PPP4R2: variants seen among roughly 807,000 people sequenced by gnomAD.
The protein encoded by PPP4R2 is serine/threonine-protein phosphatase 4 regulatory subunit 2.
In PPP4R2, 13 loss-of-function variants were observed where a neutral mutation model predicts 47.2. The ratio of observed to expected loss-of-function variants is 0.28; its 90% CI spans 0.18 to 0.44. The LOEUF (loss-of-function observed/expected upper bound fraction) is 0.44. Ranked by LOEUF, PPP4R2 falls within the 20% of genes least tolerant of loss-of-function variation. The pLI is 1.00. For missense variants in PPP4R2, 421 were observed against 491.2 expected (o/e 0.86, Z 1.35); for synonymous variants, 151 against 163.3 (o/e 0.92, Z 0.57).
In PPP4R2 at chr3:73,067,739, G is replaced by A. The variant is rs1441902192; in HGVS notation, c.*2017G>A. On this transcript the variant is annotated 3_prime_UTR_variant, in exon 9 of 9. Coordinates refer to ENST00000356692, the MANE Select transcript of PPP4R2 (RefSeq NM_174907.4). ...TAAACAAATTGATTTACTTTTGTTG[G>A]TTGTAAGTTGAAGATTTAGCATTAT... 1 of 152,064 alleles carries A rather than the reference G, an allele frequency of 6.6e-6. No homozygotes were observed. Among genetic ancestry groups the A allele is most frequent in the Non-Finnish European group, 1.5e-5 (1 of 67,994 alleles). The allele number at this position is 152,064 out of a possible 1,614,324, so 9.4% of individuals were successfully genotyped here.
chr3:73,058,178 G>A (rs1161409259), intron 3 of PPP4R2, among the ~76,000 whole-genome samples: 6 of 151,994 alleles, frequency 3.9e-5, no homozygotes, highest in Admixed American at 3.9e-4. Flanking sequence ...AAAAATTGAG[G>A]TATAGTGAAA....
chr3:73,046,052 A>C (rs1416113681), intron 2 of PPP4R2, among the ~76,000 whole-genome samples: 1 of 152,192 alleles, frequency 6.6e-6, no homozygotes, highest in Non-Finnish European at 1.5e-5. Context: ...TATCTTTTAC[A>C]CTTTAAGTGG....
At chr3:73,050,613 C>T (rs902405133) in intron 3 of PPP4R2, among the ~76,000 whole-genome samples, 1 of 152,084 alleles carries the variant, frequency 6.6e-6, no homozygotes. Flanking sequence ...TTAAAAAGAT[C>T]CCCACTGTTA....
At chr3:73,054,698 C>T (rs930410062) in intron 3 of PPP4R2, among the ~76,000 whole-genome samples, 6 of 151,864 alleles carry the variant, frequency 4.0e-5, no homozygotes, top group Non-Finnish European at 7.4e-5. Context: ...TGTTACATTC[C>T]TTTGTCTTTT....
chr3:72,997,512 C>T (rs775015524), intron 1 of PPP4R2: 1 of 174,668 alleles, frequency 5.7e-6, no homozygotes, highest in African/African-American at 2.4e-5. Flanking sequence ...ATGCCTTTTT[C>T]AGGGCTTTTG....
intron 2 of PPP4R2, among the ~76,000 whole-genome samples, chr3:73,021,443 C>T (rs1176082626): frequency 2.6e-5 from 4 of 151,920 alleles, no homozygotes; most frequent in African/African-American, 9.7e-5. Context: ...TGCCCTTTTG[C>T]CCAGGCTGGT....
chr3:72,997,173 TG>T, intron 1 of PPP4R2, 102 bp downstream of exon 1: 2 of 956,410 alleles, frequency 2.1e-6, no homozygotes, highest in African/African-American at 3.4e-5. Context: ...GGGCGCGGCG[TG>T]GGGAGAGTGC....
At chr3:73,029,616 A>C (rs555832681) in intron 2 of PPP4R2, among the ~76,000 whole-genome samples, 12 of 152,180 alleles carry the variant, frequency 7.9e-5, no homozygotes, top group African/African-American at 2.9e-4. Context: ...TCAGAAGTTC[A>C]GTTTTGGACA....
At chr3:73,027,144 T>A (rs1216070732) in intron 2 of PPP4R2, among the ~76,000 whole-genome samples, 1 of 152,240 alleles carries the variant, frequency 6.6e-6, no homozygotes, top group East Asian at 1.9e-4. Flanking sequence ...TTTTTTTGTT[T>A]TTGAGACAGA....
intron 2 of PPP4R2, among the ~76,000 whole-genome samples, chr3:73,026,691 G>T (rs1259516818): frequency 8.7e-6 from 1 of 115,020 alleles, no homozygotes; most frequent in East Asian, 2.3e-4. Flanking sequence ...AACATTATGA[G>T]ATTTTTGCGA....
chr3:73,001,234 GT>G (rs1025129080), intron 2 of PPP4R2, among the ~76,000 whole-genome samples: 1 of 148,444 alleles, frequency 6.7e-6, no homozygotes, highest in Non-Finnish European at 1.5e-5. Context: ...GTTTTAAAAA[GT>G]TTTTTTTTTG....
chr3:73,010,230 T>G (rs1436701685), intron 2 of PPP4R2, among the ~76,000 whole-genome samples: 1 of 150,422 alleles, frequency 6.6e-6, no homozygotes, highest in Non-Finnish European at 1.5e-5. Context: ...CTTTTTTGTT[T>G]TGTTTTTTTT....
chr3:72,998,003 G>A, intron 1 of PPP4R2, 74 bp from the exon 2 acceptor site: 2 of 987,958 alleles, frequency 2.0e-6, no homozygotes, highest in South Asian at 2.7e-5. Flanking sequence ...ATAAGGTAAA[G>A]GACTAGGAGG....
At chr3:73,048,650 GAAC>G (rs1246155965) in intron 3 of PPP4R2, among the ~76,000 whole-genome samples, 4 of 152,294 alleles carry the variant, frequency 2.6e-5, no homozygotes, top group Non-Finnish European at 5.9e-5. Flanking sequence ...TTAGGGTGTG[GAAC>G]AACAATACCA....
At chr3:73,063,067 G>A (rs1310031014) in intron 5 of PPP4R2, 3 of 683,564 alleles carry the variant, frequency 4.4e-6, no homozygotes, top group African/African-American at 1.9e-5. Context: ...TGAGTTTGGG[G>A]GTGTACTTTG....
intron 2 of PPP4R2, among the ~76,000 whole-genome samples, chr3:73,008,861 ATTTAGG>A (rs1237117189): frequency 6.6e-6 from 1 of 152,198 alleles, no homozygotes; most frequent in East Asian, 1.9e-4. Flanking sequence ...CACAAAACAG[ATTTAGG>A]TTTGAATTCT....
intron 2 of PPP4R2, among the ~76,000 whole-genome samples, chr3:73,043,986 C>A (rs1372024305): frequency 1.3e-5 from 2 of 152,168 alleles, no homozygotes; most frequent in East Asian, 3.8e-4. Context: ...TGGAATCATA[C>A]AATAGTCGTT....
chr3:73,059,679 C>CTGTA (rs1348474206), intron 4 of PPP4R2, among the ~76,000 whole-genome samples: 1 of 151,906 alleles, frequency 6.6e-6, no homozygotes, highest in Non-Finnish European at 1.5e-5. Flanking sequence ...TGGCTCATGC[C>CTGTA]TGTAATTCCA....
chr3:73,021,889 C>CAT (rs143996790), intron 2 of PPP4R2, among the ~76,000 whole-genome samples: 7,710 of 38,646 alleles, frequency 0.2, 423 homozygotes, highest in East Asian at 0.34. Context: ...TGTATATATG[C>CAT]ATATATATAT....
Sources: gnomAD v4.1 joint callset for allele counts (sites outside exome capture counted in the v4.1 genomes callset) on GRCh38, gnomAD v4.1.1 for gene constraint, MANE v1.5 for transcripts, NCBI Gene and HGNC (gene_info 2026-07-23, HGNC 2026-07-21) for gene names.